NCR1: variants seen among roughly 807,000 people sequenced by gnomAD.
The protein encoded by NCR1 is NK cell-activating receptor.
NCR1 carries 30 observed loss-of-function variants against 32.5 expected under a neutral mutation model. That is an observed-to-expected ratio of 0.92 (90% CI 0.69 to 1.25). NCR1 has a LOEUF of 1.25. Ranked by LOEUF, NCR1 falls within the 50% of genes most tolerant of loss-of-function variation. NCR1 has a pLI of 0.00. For missense variants in NCR1, 369 were observed against 380.7 expected, an observed-to-expected ratio of 0.97 and a Z score of 0.26; for synonymous variants, 169 against 143.4, an observed-to-expected ratio of 1.18 and a Z score of -1.28.
In NCR1 at chr19:54,909,558, G is replaced by A. The variant is rs115427034; in HGVS notation, c.634+35G>A. On this transcript the variant is annotated intron_variant, in intron 4 of 6. Coordinates refer to ENST00000291890, the MANE Select transcript of NCR1 (RefSeq NM_004829.7). Reference sequence around the variant, plus strand: ...TGCTCAATTCCCCACACCCTTCGCCGCCATGTGCTACCTGGAGCCCTGAGG... The same window carrying A: ...TGCTCAATTCCCCACACCCTTCGCCACCATGTGCTACCTGGAGCCCTGAGG... 8.3e-4 allele frequency: 1,311 copies of A among 1,579,782 alleles called. 8 individuals carry two copies. In the African/African-American group the frequency reaches 0.016, roughly 19 times the overall value.
the NCR1 span, among the ~76,000 whole-genome samples, chr19:54,922,671 C>T: frequency 2.0e-5 from 3 of 150,198 alleles, no homozygotes; most frequent in Non-Finnish European, 3.0e-5. Context: ...TCCGGCTACT[C>T]GGAAGGCTGA....
intron 3 of NCR1, among the ~76,000 whole-genome samples, chr19:54,908,791 G>A (rs1202717166): frequency 3.3e-5 from 5 of 151,150 alleles, no homozygotes; most frequent in Non-Finnish European, 5.9e-5. Context: ...CACCACACCC[G>A]GCTAATTTTT....
At chr19:54,924,359 G>A in the NCR1 span, among the ~76,000 whole-genome samples, 5 of 152,170 alleles carry the variant, frequency 3.3e-5, no homozygotes, top group Admixed American at 1.3e-4. Flanking sequence ...ACGGTGTCTC[G>A]CACCTGTAGT....
the NCR1 span, among the ~76,000 whole-genome samples, chr19:54,922,635 C>T: frequency 6.6e-6 from 1 of 151,878 alleles, no homozygotes; most frequent in Non-Finnish European, 1.5e-5. Context: ...AAAAATTAGC[C>T]AGGCATGGTG....
At chr19:54,922,797 AAAAAAC>A in the NCR1 span, among the ~76,000 whole-genome samples, 4 of 146,756 alleles carry the variant, frequency 2.7e-5, no homozygotes, top group African/African-American at 7.6e-5. Flanking sequence ...AAACAAAAAA[AAAAAAC>A]GAAAGAACAG....
the NCR1 span, among the ~76,000 whole-genome samples, chr19:54,928,193 C>T: frequency 2.0e-5 from 3 of 152,128 alleles, no homozygotes; most frequent in African/African-American, 7.2e-5. Context: ...GCACTCCAGC[C>T]TGGGCAATAG....
the NCR1 span, among the ~76,000 whole-genome samples, chr19:54,937,346 C>T: frequency 1.3e-5 from 2 of 151,842 alleles, no homozygotes; most frequent in African/African-American, 2.4e-5. Context: ...TGTAACTAAC[C>T]TGTACTTGTA....
At chr19:54,898,675 G>T in the NCR1 span, among the ~76,000 whole-genome samples, 85 of 152,278 alleles carry the variant, frequency 5.6e-4, 1 homozygote, top group Non-Finnish European at 9.7e-4. Context: ...GGGCTGTAAA[G>T]CGTCTCAGGG....
At chr19:54,935,506 G>T in the NCR1 span, among the ~76,000 whole-genome samples, 1 of 152,056 alleles carries the variant, frequency 6.6e-6, no homozygotes, top group Non-Finnish European at 1.5e-5. Context: ...GACCAGCCTG[G>T]CCAACATGGT....
chr19:54,900,805 C>T, the NCR1 span, among the ~76,000 whole-genome samples: 1 of 151,896 alleles, frequency 6.6e-6, no homozygotes, highest in Non-Finnish European at 1.5e-5. Flanking sequence ...GTGAGGGGAT[C>T]GTGGTGATGG....
At chr19:54,930,767 A>G in the NCR1 span, 1 of 981,928 alleles carries the variant, frequency 1.0e-6, no homozygotes, top group Non-Finnish European at 1.6e-6. Flanking sequence ...ATATACTGGA[A>G]TGCAGTGCTG....
the NCR1 span, chr19:54,930,460 T>C: frequency 2.7e-6 from 4 of 1,456,262 alleles, no homozygotes; most frequent in Admixed American, 5.0e-5. Context: ...AGACCCTGTC[T>C]CAAAAAAAGA....
intron 5 of NCR1, among the ~76,000 whole-genome samples, chr19:54,911,523 G>A (rs993431946): frequency 3.9e-5 from 6 of 152,108 alleles, no homozygotes; most frequent in African/African-American, 1.4e-4. Context: ...AGGCAGGGGC[G>A]GCTGGATCAC....
chr19:54,901,890 C>T (rs2067308344), upstream of NCR1, among the ~76,000 whole-genome samples: 1 of 152,178 alleles, frequency 6.6e-6, no homozygotes, highest in Admixed American at 6.5e-5. Flanking sequence ...ATTGCTTGAA[C>T]CCAGGAGGCG....
At chr19:54,934,387 G>T in the NCR1 span, 1 of 1,198,296 alleles carries the variant, frequency 8.3e-7, no homozygotes, top group Non-Finnish European at 1.2e-6. This position sits in a 1 kb window ranked among gnomAD's most constrained non-coding sequence, Gnocchi z 6.7. Flanking sequence ...GTTTATTTCA[G>T]CAAGAGGCGC....
downstream of NCR1, among the ~76,000 whole-genome samples, chr19:54,920,357 T>C (rs2068223617): frequency 6.6e-6 from 1 of 152,156 alleles, no homozygotes; most frequent in Non-Finnish European, 1.5e-5. Context: ...GGTGCTGCTA[T>C]ACATCACGTG....
Position 54,906,531 on chromosome 19 carries a change from C to T in NCR1, c.79C>T (p.Pro27Ser). Residue 27 changes from proline to serine, a missense_variant, in exon 3 of 7, where the codon CCA (proline) becomes TCA (serine). Transcript: ENST00000291890. ...CTCTGATTCCCTTCCAGAGACTCTC[C>T]CAAAACCGTTCATCTGGGCCGAGCC... ...QRISAQQQTLPKPFIWAEPHF... is the reference protein window; with the variant it reads ...QRISAQQQTLSKPFIWAEPHF... The T allele has an allele frequency of 6.2e-7, 1 of 1,607,500 alleles. No homozygotes were observed. The highest frequency in any genetic ancestry group is 8.5e-7 in the Non-Finnish European group (1 of 1,179,946).
At chr19:54,916,861 A>C (rs564234338), downstream of NCR1, among the ~76,000 whole-genome samples, 98 of 150,406 alleles carry the variant, frequency 6.5e-4, 1 homozygote, top group Admixed American at 5.9e-3. Context: ...CACCGCGCCC[A>C]GCCAGAAGAC....
At chr19:54,933,540 A>G in the NCR1 span, 30 of 1,439,056 alleles carry the variant, frequency 2.1e-5, no homozygotes, top group East Asian at 4.9e-5. Context: ...ATTCATGTGC[A>G]CACACACACA....
Sources: allele counts gnomAD v4.1 joint callset (sites outside exome capture counted in the v4.1 genomes callset), GRCh38; gene constraint gnomAD v4.1.1; non-coding constraint Gnocchi (gnomAD v3.1); transcripts MANE v1.5; gene names NCBI Gene and HGNC (gene_info 2026-07-23, HGNC 2026-07-21).